Variants in FGF12 observed in about 807,000 individuals in gnomAD.
The protein encoded by FGF12 is fibroblast growth factor 12, also known as fibroblast growth factor 12B.
FGF12 carries 14 observed loss-of-function variants against 23.6 expected under a neutral mutation model. The ratio of observed to expected loss-of-function variants is 0.59; its 90% CI spans 0.39 to 0.93. The LOEUF (loss-of-function observed/expected upper bound fraction) is 0.93. FGF12 is among the 40% of genes least tolerant of loss of function. FGF12 has a pLI of 0.00. For synonymous variants in FGF12, 62 were observed against 77.3 expected (o/e 0.80, Z 1.04); for missense variants, 175 against 217.8 (o/e 0.80, Z 1.24).
chr3:192,342,934 T>C (rs1351834495), intron 3 of FGF12, among the ~76,000 whole-genome samples: 1 of 146,474 alleles, frequency 6.8e-6, no homozygotes, highest in East Asian at 2.0e-4. Context: ...CCAAAACACA[T>C]AGGAAAACAA....
chr3:192,470,640 C>G (rs1458895198), intron 2 of FGF12, among the ~76,000 whole-genome samples: 1 of 152,180 alleles, frequency 6.6e-6, no homozygotes, highest in African/African-American at 2.4e-5. Context: ...CCTCCTGCCT[C>G]GGCCTCCTGA....
chr3:192,627,038 A>T (rs1715197603), intron 2 of FGF12, among the ~76,000 whole-genome samples: 1 of 152,238 alleles, frequency 6.6e-6, no homozygotes, highest in African/African-American at 2.4e-5. Context: ...TTATCAGCTT[A>T]AAAATCTACA....
At chr3:192,326,093 T>A (rs575446024) in intron 4 of FGF12, among the ~76,000 whole-genome samples, 81 of 152,262 alleles carry the variant, frequency 5.3e-4, no homozygotes, top group Non-Finnish European at 1.1e-3. Context: ...TGTCTGAACA[T>A]TGGAATTACA....
intron 4 of FGF12, among the ~76,000 whole-genome samples, chr3:192,303,734 T>C (rs1027550728): frequency 4.6e-5 from 7 of 152,232 alleles, no homozygotes; most frequent in African/African-American, 1.7e-4. Flanking sequence ...CCATGTGTTC[T>C]GAGGCATGAT....
intron 2 of FGF12, among the ~76,000 whole-genome samples, chr3:192,492,812 A>T (rs1443954608): frequency 6.6e-6 from 1 of 152,106 alleles, no homozygotes; most frequent in Admixed American, 6.6e-5. Flanking sequence ...AGGTGTGAGA[A>T]AAGCCTCCTT....
intron 2 of FGF12, among the ~76,000 whole-genome samples, chr3:192,619,901 C>T (rs187752085): frequency 8.0e-4 from 122 of 152,214 alleles, no homozygotes; most frequent in African/African-American, 2.8e-3. Flanking sequence ...TTAATCAGTT[C>T]CCAAACCAAC....
intron 2 of FGF12, among the ~76,000 whole-genome samples, chr3:192,542,348 T>C (rs903184662): frequency 6.6e-6 from 1 of 152,224 alleles, no homozygotes; most frequent in Non-Finnish European, 1.5e-5. Context: ...AATTCTTTTT[T>C]AATTATTTGA....
In FGF12 at chr3:192,167,442, C is replaced by A. The variant is rs895748911; in HGVS notation, c.427+3016G>T. Among the ~76,000 whole-genome samples, 6 of 151,844 alleles carry A rather than the reference C, an allele frequency of 4.0e-5. No homozygotes were observed. In the South Asian group the frequency reaches 1.3e-3, roughly 32 times the overall value. ...GTGCACAGTTGTAAATAAGCCGTAG[C>A]AAAACACTGGGAGAGAGGTAGTAAA... On this transcript the variant is annotated intron_variant, in intron 5 of 5. Transcript: ENST00000445105.
chr3:192,295,351 A>G (rs1334341963), intron 4 of FGF12, among the ~76,000 whole-genome samples: 1 of 152,224 alleles, frequency 6.6e-6, no homozygotes, highest in African/African-American at 2.4e-5. Context: ...ACCTTTGAAT[A>G]TAACCACTGG....
intron 2 of FGF12, among the ~76,000 whole-genome samples, chr3:192,511,266 A>G (rs951495767): frequency 6.6e-6 from 1 of 151,272 alleles, no homozygotes; most frequent in Admixed American, 6.6e-5. Flanking sequence ...TGCTACTATT[A>G]CTACTACTGT....
chr3:192,714,907 T>C (rs992027834), intron 2 of FGF12, among the ~76,000 whole-genome samples: 4 of 152,308 alleles, frequency 2.6e-5, no homozygotes, highest in Middle Eastern at 3.4e-3. Flanking sequence ...GTTTCAACGC[T>C]AGAATTTTAG....
intron 2 of FGF12, among the ~76,000 whole-genome samples, chr3:192,377,373 T>C (rs1221506650): frequency 6.6e-6 from 1 of 152,140 alleles, no homozygotes; most frequent in Non-Finnish European, 1.5e-5. Flanking sequence ...TAAATATAAA[T>C]TCCCTCTTCT....
At position 192,421,041 on chromosome 3, in the gene FGF12, C is replaced by T. The variant is rs190896542; in HGVS notation, c.14-60503G>A. Among the ~76,000 whole-genome samples, 357 of 152,152 alleles carry T rather than the reference C, an allele frequency of 2.3e-3. 1 individual carries two copies. The highest frequency in any genetic ancestry group is 8.1e-3 in the African/African-American group (338 of 41,512). On this transcript the variant is annotated intron_variant, in intron 2 of 5. Transcript: ENST00000445105. Reference sequence around the variant, plus strand: ...ATGAAGGGGGTGGAGAGATATTCGACGAGAATCGACAGTGGCCACTACATG... The same window carrying T: ...ATGAAGGGGGTGGAGAGATATTCGATGAGAATCGACAGTGGCCACTACATG...
At chr3:192,196,211 A>G (rs1209719998) in intron 4 of FGF12, among the ~76,000 whole-genome samples, 2 of 152,184 alleles carry the variant, frequency 1.3e-5, no homozygotes, top group East Asian at 1.9e-4. Context: ...TTGCAGCACT[A>G]TTCACAATAA....
chr3:192,484,580 TA>T (rs1454343927), intron 2 of FGF12, among the ~76,000 whole-genome samples: 23 of 152,126 alleles, frequency 1.5e-4, no homozygotes, highest in African/African-American at 5.1e-4. Flanking sequence ...AATTATCATT[TA>T]AACTGTTGCC....
At chr3:192,285,163 T>C (rs566347240) in intron 4 of FGF12, among the ~76,000 whole-genome samples, 1 of 152,200 alleles carries the variant, frequency 6.6e-6, no homozygotes, top group African/African-American at 2.4e-5. Flanking sequence ...ATATAAATCA[T>C]GTTCTGCCAG....
chr3:192,249,696 C>T (rs1711871058), intron 4 of FGF12, among the ~76,000 whole-genome samples: 1 of 152,124 alleles, frequency 6.6e-6, no homozygotes, highest in African/African-American at 2.4e-5. Flanking sequence ...CACATAGTAA[C>T]TTCAGAATGG....
chr3:192,266,704 T>G (rs892128686), intron 4 of FGF12, among the ~76,000 whole-genome samples: 3 of 152,062 alleles, frequency 2.0e-5, no homozygotes, highest in African/African-American at 7.2e-5. Context: ...TTTTTTCTGC[T>G]GCTCAATCAG....
intron 2 of FGF12, among the ~76,000 whole-genome samples, chr3:192,516,306 C>T (rs1010833087): frequency 1.1e-4 from 16 of 152,156 alleles, no homozygotes; most frequent in Admixed American, 5.9e-4. Flanking sequence ...CTCAGCAGCT[C>T]CCTAGGTAAT....
Sources: gnomAD v4.1 joint callset for allele counts (sites outside exome capture counted in the v4.1 genomes callset) on GRCh38, gnomAD v4.1.1 for gene constraint, MANE v1.5 for transcripts, NCBI Gene and HGNC (gene_info 2026-07-23, HGNC 2026-07-21) for gene names.